Variants in WDR41 observed in about 807,000 individuals in gnomAD.
WDR41 encodes WD repeat domain 41.
In WDR41, 63 loss-of-function variants were observed where a neutral mutation model predicts 69.3. The ratio of observed to expected loss-of-function variants is 0.91; its 90% CI spans 0.74 to 1.12. The LOEUF is 1.12. Ranked by LOEUF, WDR41 falls within the 50% of genes most tolerant of loss-of-function variation. WDR41 has a pLI of 0.00. For missense variants in WDR41, 543 were observed against 534.5 expected (o/e 1.02, Z -0.16); for synonymous variants, 185 against 192.1 (o/e 0.96, Z 0.31).
chr5:77,442,894 C>CAAAAAAAA (rs60442242), intron 8 of WDR41, among the ~76,000 whole-genome samples: 11 of 56,260 alleles, frequency 2.0e-4, no homozygotes, highest in Admixed American at 6.0e-4. Context: ...TCTGTCTCCC[C>CAAAAAAAA]AAAAAAAAAA....
chr5:77,458,218 C>A (rs1413102103), intron 5 of WDR41, among the ~76,000 whole-genome samples: 1 of 152,082 alleles, frequency 6.6e-6, no homozygotes, highest in African/African-American at 2.4e-5. Flanking sequence ...GTACATGGCA[C>A]TTTCTTCCCC....
intron 1 of WDR41, among the ~76,000 whole-genome samples, chr5:77,555,926 C>T (rs1305665882): frequency 1.3e-5 from 2 of 151,914 alleles, no homozygotes; most frequent in African/African-American, 4.8e-5. Context: ...AGAAGAAAAA[C>T]AGAAGGAAGA....
rs188588958 is a variant in WDR41 at position 77,506,380 on chromosome 5, G to A, written c.43-16808C>T. 5.3e-5 allele frequency among the ~76,000 whole-genome samples: 8 copies of A among 152,220 alleles called. No individual in the cohort carries two copies. The East Asian group carries it at 1.5e-3, about 29-fold the overall frequency. Reference sequence around the variant, plus strand: ...TAGAATGGTGGTCATTAAAAAGTCAGGAAACAACAAATGCTGGAGAGGATG... The same window carrying A: ...TAGAATGGTGGTCATTAAAAAGTCAAGAAACAACAAATGCTGGAGAGGATG... On this transcript the variant is annotated intron_variant, in intron 1 of 5. Transcript: ENST00000509971.
chr5:77,559,443 A>C (rs1221373532), intron 1 of WDR41, among the ~76,000 whole-genome samples: 4 of 152,114 alleles, frequency 2.6e-5, no homozygotes, highest in Non-Finnish European at 5.9e-5. Flanking sequence ...GGCTGGCAAA[A>C]TTCTTGAAGC....
intron 1 of WDR41, among the ~76,000 whole-genome samples, chr5:77,615,117 G>T (rs1744652272): frequency 6.6e-6 from 1 of 152,094 alleles, no homozygotes; most frequent in Non-Finnish European, 1.5e-5. Context: ...TCTAAAACTG[G>T]ATTATGATGA....
chr5:77,602,429 C>T (rs1376939201), intron 1 of WDR41, among the ~76,000 whole-genome samples: 5 of 152,224 alleles, frequency 3.3e-5, no homozygotes, highest in Admixed American at 6.5e-5. Context: ...CATGAGCCAT[C>T]GTGCCCAGCC....
At chr5:77,459,034 A>G in intron 5 of WDR41, 28 bp downstream of exon 5, 2 of 1,511,874 alleles carry the variant, frequency 1.3e-6, no homozygotes, top group Non-Finnish European at 1.8e-6. Flanking sequence ...AGATTGTCAT[A>G]AAAACTCATA....
At chr5:77,506,919 G>T (rs1185226085) in intron 1 of WDR41, among the ~76,000 whole-genome samples, 1 of 152,128 alleles carries the variant, frequency 6.6e-6, no homozygotes, top group Non-Finnish European at 1.5e-5. Context: ...ATAGCATTAG[G>T]AGAAATACCT....
rs183931960 is a variant in WDR41, at chr5:77,545,487, C to T, written c.43-55915G>A. 323 of 221,154 alleles carry T rather than the reference C, an allele frequency of 1.5e-3. 3 individuals are homozygous for T. Among genetic ancestry groups the T allele is most frequent in the African/African-American group, 5.3e-3 (225 of 42,640 alleles). 13.7% of individuals were successfully genotyped at this position (221,154 alleles called of 1,614,324 possible). On this transcript the variant is annotated intron_variant, in intron 1 of 5. Coordinates refer to the WDR41 transcript ENST00000509971. ...ACAGTGGCTTCCGGGGAGGCTTCGG[C>T]AGTGGCATCCAGGGCCAGGGTCGCA...
chr5:77,576,671 G>T (rs915608496), intron 1 of WDR41, among the ~76,000 whole-genome samples: 1 of 151,772 alleles, frequency 6.6e-6, no homozygotes, highest in Non-Finnish European at 1.5e-5. Context: ...TTCTGTTCTT[G>T]GTCCTTTTTT....
chr5:77,456,806 A>T (rs2151313160), intron 5 of WDR41, among the ~76,000 whole-genome samples: 1 of 152,260 alleles, frequency 6.6e-6, no homozygotes, highest in East Asian at 1.9e-4. Flanking sequence ...GACTCAAGTG[A>T]TCCTTCCACC....
At chr5:77,454,030 T>G in intron 5 of WDR41, 102 bp from the exon 6 acceptor site, 1 of 823,558 alleles carries the variant, frequency 1.2e-6, no homozygotes, top group Non-Finnish European at 2.0e-6. Flanking sequence ...CTTCCTTCAC[T>G]AGGTGGAGCT....
At chr5:77,451,456 T>C in intron 6 of WDR41, 103 bp from the exon 7 acceptor site, 1 of 1,030,330 alleles carries the variant, frequency 9.7e-7, no homozygotes, top group Non-Finnish European at 1.5e-6. Context: ...ATAAAGAAGA[T>C]AAAGCACACA....
chr5:77,470,110 T>C (rs987256650), intron 2 of WDR41, among the ~76,000 whole-genome samples: 5 of 151,524 alleles, frequency 3.3e-5, no homozygotes, highest in Non-Finnish European at 5.9e-5. Context: ...CAGAAGATAA[T>C]GGGGGCCAAT....
chr5:77,435,731 T>G (rs1798914758), intron 12 of WDR41, among the ~76,000 whole-genome samples: 1 of 152,244 alleles, frequency 6.6e-6, no homozygotes, highest in Non-Finnish European at 1.5e-5. Context: ...TGTATCTGGA[T>G]TTCTACATGT....
chr5:77,544,353 C>T (rs1216231332), intron 1 of WDR41, among the ~76,000 whole-genome samples: 5 of 151,984 alleles, frequency 3.3e-5, no homozygotes, highest in African/African-American at 4.8e-5. Flanking sequence ...ATGGCCTAAA[C>T]GCTCCACTTA....
At chr5:77,533,512 C>T (rs1458012396) in intron 1 of WDR41, among the ~76,000 whole-genome samples, 3 of 151,980 alleles carry the variant, frequency 2.0e-5, no homozygotes, top group African/African-American at 7.3e-5. Flanking sequence ...TATCCAAGTA[C>T]AGGCAATGTA....
intron 1 of WDR41, among the ~76,000 whole-genome samples, chr5:77,490,924 T>C (rs537390056): frequency 6.6e-6 from 1 of 152,362 alleles, no homozygotes; most frequent in South Asian, 2.1e-4. Context: ...GAAGACTGCC[T>C]ACTCTCAACA....
intron 1 of WDR41, among the ~76,000 whole-genome samples, chr5:77,555,362 G>A (rs1037313065): frequency 2.0e-5 from 3 of 152,122 alleles, no homozygotes; most frequent in Non-Finnish European, 4.4e-5. Flanking sequence ...AGGCTGAAGG[G>A]CAGTGGCATG....
Sources: allele counts gnomAD v4.1 joint callset (sites outside exome capture counted in the v4.1 genomes callset), GRCh38; gene constraint gnomAD v4.1.1; transcripts MANE v1.5; gene names NCBI Gene and HGNC (gene_info 2026-07-23, HGNC 2026-07-21).